KAZN: variants seen among roughly 807,000 people sequenced by gnomAD.
KAZN encodes kazrin, periplakin interacting protein, also known as kazrin.
A neutral mutation model predicts 87.4 loss-of-function variants in KAZN; 40 were observed. The ratio of observed to expected loss-of-function variants is 0.46; its 90% CI spans 0.36 to 0.60. The LOEUF (loss-of-function observed/expected upper bound fraction) is 0.60, where lower values mean the gene tolerates loss of function less well. Ranked by LOEUF, KAZN falls within the 20% of genes least tolerant of loss-of-function variation. KAZN has a pLI of 0.00. For synonymous variants in KAZN, 466 were observed against 458.3 expected, an observed-to-expected ratio of 1.02 and a Z score of -0.22; for missense variants, 898 against 1,073.9, an observed-to-expected ratio of 0.84 and a Z score of 2.29.
intron 1 of KAZN, among the ~76,000 whole-genome samples, chr1:13,974,452 C>G (rs1224172178): frequency 6.6e-6 from 1 of 152,150 alleles, no homozygotes; most frequent in Non-Finnish European, 1.5e-5. Context: ...AGGGTCTTTG[C>G]AGATGTAATT....
At chr1:14,798,201 C>T (rs2014618) in intron 1 of KAZN, among the ~76,000 whole-genome samples, 19,890 of 152,020 alleles carry the variant, frequency 0.13, 1,552 homozygotes, top group Admixed American at 0.21. Flanking sequence ...TCAATGCAAA[C>T]GGGAAAGGAG....
rs150201884 is a variant in KAZN at position 14,149,466 on chromosome 1, A to G, written c.92-30969A>G. 2.3e-3 allele frequency among the ~76,000 whole-genome samples: 342 copies of G among 151,960 alleles called. 2 individuals carry two copies. The highest frequency in any genetic ancestry group is 7.9e-3 in the African/African-American group (327 of 41,432). ...ACAGTTCACTCTCTTTCTGGACATG[A>G]TCTTGCCCAGTCCCAAGTCTTTCCG... On this transcript the variant is annotated intron_variant, in intron 1 of 16. Transcript: ENST00000636203.
At chr1:13,950,426 C>T (rs1641301882) in intron 1 of KAZN, among the ~76,000 whole-genome samples, 2 of 152,208 alleles carry the variant, frequency 1.3e-5, no homozygotes, top group Non-Finnish European at 2.9e-5. Context: ...GTGTCTGTTT[C>T]TCCTTATTGT....
intron 1 of KAZN, among the ~76,000 whole-genome samples, chr1:14,896,290 T>C (rs151003416): frequency 0.014 from 2,166 of 152,276 alleles, 23 homozygotes; most frequent in Non-Finnish European, 0.022. Context: ...CTTGACCTCG[T>C]GATCCGCCTG....
chr1:14,204,869 A>G (rs1159407633), intron 2 of KAZN, among the ~76,000 whole-genome samples: 1 of 152,268 alleles, frequency 6.6e-6, no homozygotes, highest in Non-Finnish European at 1.5e-5. Flanking sequence ...ACTTGCAAGA[A>G]TGGAGAAGAG....
At chr1:14,238,722 G>A (rs1648650671) in intron 2 of KAZN, among the ~76,000 whole-genome samples, 1 of 152,190 alleles carries the variant, frequency 6.6e-6, no homozygotes, top group Non-Finnish European at 1.5e-5. Flanking sequence ...GCTCCGGAGG[G>A]GTGTTGCAAT....
intron 1 of KAZN, among the ~76,000 whole-genome samples, chr1:14,959,215 G>C (rs1663543198): frequency 6.6e-6 from 1 of 152,240 alleles, no homozygotes; most frequent in South Asian, 2.1e-4. Context: ...GTTTGGGAAA[G>C]AGACAGATAA....
At chr1:14,281,740 G>C (rs1652849828) in intron 2 of KAZN, among the ~76,000 whole-genome samples, 1 of 152,294 alleles carries the variant, frequency 6.6e-6, no homozygotes, top group South Asian at 2.1e-4. Context: ...ACAGAACTTG[G>C]CATAGAGAAT....
chr1:14,935,928 G>A (rs548834003), intron 1 of KAZN, among the ~76,000 whole-genome samples: 85 of 152,230 alleles, frequency 5.6e-4, no homozygotes, highest in Non-Finnish European at 9.4e-4. Context: ...CCCAGGTGGT[G>A]GCCGCCTGCT....
intron 1 of KAZN, among the ~76,000 whole-genome samples, chr1:14,733,580 G>T (rs1643781143): frequency 6.6e-6 from 1 of 151,976 alleles, no homozygotes; most frequent in Non-Finnish European, 1.5e-5. Flanking sequence ...TTCGGGGAGT[G>T]GGGGAGTTCT....
intron 2 of KAZN, among the ~76,000 whole-genome samples, chr1:14,341,731 C>A (rs918121193): frequency 6.6e-6 from 1 of 152,222 alleles, no homozygotes; most frequent in Non-Finnish European, 1.5e-5. Context: ...CCAACCAACA[C>A]CTGCTCTCCC....
At chr1:13,958,518 G>C (rs1232405312) in intron 1 of KAZN, among the ~76,000 whole-genome samples, 1 of 149,288 alleles carries the variant, frequency 6.7e-6, no homozygotes, top group East Asian at 2.0e-4. Flanking sequence ...AGCTTGCCAT[G>C]AGCCGAGATT....
intron 2 of KAZN, among the ~76,000 whole-genome samples, chr1:14,514,567 C>G (rs186180583): frequency 6.1e-5 from 2 of 32,950 alleles, no homozygotes; most frequent in Admixed American, 5.3e-4. Context: ...TATATATTTT[C>G]TATATATTTT....
intron 1 of KAZN, among the ~76,000 whole-genome samples, chr1:14,863,933 G>A (rs1458886433): frequency 2.6e-5 from 4 of 152,168 alleles, no homozygotes; most frequent in African/African-American, 9.7e-5. Context: ...CTGAGTTGGG[G>A]GGATGTGCAG....
At chr1:14,171,283 T>G (rs971238590) in intron 1 of KAZN, among the ~76,000 whole-genome samples, 6 of 152,202 alleles carry the variant, frequency 3.9e-5, no homozygotes, top group African/African-American at 1.4e-4. Flanking sequence ...AACACTTGTT[T>G]TCAATTCTTT....
intron 2 of KAZN, among the ~76,000 whole-genome samples, chr1:14,231,088 G>A (rs570526009): frequency 6.6e-6 from 1 of 152,194 alleles, no homozygotes; most frequent in South Asian, 2.1e-4. Context: ...AAAAACTAGA[G>A]GCTATTGGTT....
chr1:14,355,414 A>G (rs1372164645), intron 2 of KAZN, among the ~76,000 whole-genome samples: 1 of 150,968 alleles, frequency 6.6e-6, no homozygotes, highest in Non-Finnish European at 1.5e-5. Context: ...TTATTTATTT[A>G]TTTATTTATT....
rs7549364 is a variant in KAZN at position 14,580,462 on chromosome 1, C to T, written c.250-18521C>T. On this transcript the variant is annotated intron_variant, in intron 2 of 16. Coordinates refer to the KAZN transcript ENST00000636203. Reference sequence around the variant, plus strand: ...TGCACTCCAGCCTGGTCAACAAGAGCGAAACTCTATCTCAAATAAATAAAT... The same window carrying T: ...TGCACTCCAGCCTGGTCAACAAGAGTGAAACTCTATCTCAAATAAATAAAT... Among the ~76,000 whole-genome samples the T allele has an allele frequency of 9.4e-3, 1,404 of 149,272 alleles. 24 individuals are homozygous for T. The highest frequency in any genetic ancestry group is 0.021 in the African/African-American group (852 of 40,568).
At chr1:14,792,266 C>T (rs1367458148) in intron 1 of KAZN, among the ~76,000 whole-genome samples, 1 of 152,208 alleles carries the variant, frequency 6.6e-6, no homozygotes, top group African/African-American at 2.4e-5. Context: ...TGCCCCCAGT[C>T]ACCTGTGTGC....
Sources: allele counts gnomAD v4.1 joint callset (sites outside exome capture counted in the v4.1 genomes callset), GRCh38; gene constraint gnomAD v4.1.1; transcripts MANE v1.5; gene names NCBI Gene and HGNC (gene_info 2026-07-23, HGNC 2026-07-21).